TMEM181: variants seen among roughly 807,000 people sequenced by gnomAD.
TMEM181 encodes transmembrane protein 181, also known as G protein-coupled receptor 178.
TMEM181 carries 39 observed loss-of-function variants against 71.9 expected under a neutral mutation model. That is an observed-to-expected ratio of 0.54 (90% CI 0.42 to 0.71). The LOEUF (loss-of-function observed/expected upper bound fraction) is 0.71. TMEM181 is among the 30% of genes least tolerant of loss of function. The pLI, the probability that TMEM181 is intolerant of heterozygous loss-of-function variation, is 0.00. For synonymous variants in TMEM181, 245 were observed against 228.8 expected, an observed-to-expected ratio of 1.07 and a Z score of -0.64; for missense variants, 595 against 583.0, an observed-to-expected ratio of 1.02 and a Z score of -0.21.
upstream of TMEM181, among the ~76,000 whole-genome samples, chr6:158,556,157 A>T (rs1402110205): frequency 6.6e-6 from 1 of 152,208 alleles, no homozygotes; most frequent in Non-Finnish European, 1.5e-5. Context: ...GTAGGGATGT[A>T]AGGCAGCCTT....
chr6:158,568,421 G>T (rs1782634560), intron 1 of TMEM181, among the ~76,000 whole-genome samples: 1 of 151,988 alleles, frequency 6.6e-6, no homozygotes, highest in South Asian at 2.1e-4. Flanking sequence ...GGTGTTGGAG[G>T]ACTGGTGCGA....
At chr6:158,578,670 A>G (rs1443833529) in intron 2 of TMEM181, among the ~76,000 whole-genome samples, 2 of 152,238 alleles carry the variant, frequency 1.3e-5, no homozygotes, top group African/African-American at 4.8e-5. Flanking sequence ...AAAGAGGTAC[A>G]AAAAGGCTAT....
chr6:158,580,704 C>T (rs1347478450), intron 2 of TMEM181, among the ~76,000 whole-genome samples: 1 of 152,104 alleles, frequency 6.6e-6, no homozygotes, highest in Non-Finnish European at 1.5e-5. Context: ...GTGTTGTATG[C>T]CAGTCATGCT....
At chr6:158,540,882 CCA>C (rs1186584840) in intron 1 of TMEM181, among the ~76,000 whole-genome samples, 18 of 152,132 alleles carry the variant, frequency 1.2e-4, no homozygotes, top group Non-Finnish European at 2.9e-5. Flanking sequence ...CCGCAGCCTC[CCA>C]GGTAGCTGGT....
At chr6:158,585,623 T>C (rs1445128113) in intron 5 of TMEM181, among the ~76,000 whole-genome samples, 198 bp downstream of exon 5, 4 of 152,226 alleles carry the variant, frequency 2.6e-5, no homozygotes, top group South Asian at 2.1e-4. Flanking sequence ...AAAATTCTTA[T>C]AAACGTACAC....
chr6:158,612,290 C>T (rs1240694704), intron 10 of TMEM181, among the ~76,000 whole-genome samples: 1 of 152,206 alleles, frequency 6.6e-6, no homozygotes, highest in Non-Finnish European at 1.5e-5. Flanking sequence ...TGACGGTGCT[C>T]CTGCTCTGTC....
At chr6:158,541,140 G>T (rs1031345697) in intron 1 of TMEM181, among the ~76,000 whole-genome samples, 1 of 152,170 alleles carries the variant, frequency 6.6e-6, no homozygotes, top group Non-Finnish European at 1.5e-5. Flanking sequence ...AGCAGGCCGG[G>T]TGTGGTGGCT....
rs554599721 is a variant in TMEM181 at position 158,620,478 on chromosome 6, C to T, written c.897-3072C>T. On this transcript the variant is annotated intron_variant, in intron 10 of 16. Coordinates refer to ENST00000684151, the MANE Select transcript of TMEM181 (RefSeq NM_001376852.1). This position sits in a 1 kb window ranked among gnomAD's most constrained non-coding sequence, Gnocchi z 4.5. ...GGAATCACCAAAGGGCTTCCCGAAC[C>T]GGCATGCGTGAGGAAGAGAGAGGGA... is the stretch of plus-strand genomic sequence containing the variant. Among the ~76,000 whole-genome samples, 20 of 151,986 alleles carry T rather than the reference C, an allele frequency of 1.3e-4. No individual in the cohort carries two copies. Among genetic ancestry groups the T allele is most frequent in the Admixed American group, 5.2e-4 (8 of 15,278 alleles).
At chr6:158,550,909 AAAAAG>A (rs1271114222) in intron 1 of TMEM181, among the ~76,000 whole-genome samples, 18 of 151,022 alleles carry the variant, frequency 1.2e-4, no homozygotes, top group African/African-American at 4.1e-4. Context: ...AAAAAAAAAA[AAAAAG>A]AACCAATAAT....
At chr6:158,592,371 G>T (rs1036804996) in intron 6 of TMEM181, among the ~76,000 whole-genome samples, 29 of 152,186 alleles carry the variant, frequency 1.9e-4, no homozygotes, top group African/African-American at 7.0e-4. Flanking sequence ...TGGGCCGGGG[G>T]CAGTAGCTTA....
intron 10 of TMEM181, among the ~76,000 whole-genome samples, chr6:158,622,268 G>A (rs987921907): frequency 7.2e-5 from 11 of 152,206 alleles, no homozygotes; most frequent in African/African-American, 2.7e-4. Flanking sequence ...TGTGTGACGT[G>A]CTCTCTCTTT....
chr6:158,632,186 A>G lies in TMEM181; in HGVS notation c.*298A>G. On this transcript the variant is annotated 3_prime_UTR_variant, in exon 17 of 17. Coordinates refer to ENST00000684151, the MANE Select transcript of TMEM181 (RefSeq NM_001376852.1). ...GATGAGGAAATTTCACGTTTTTAGT[A>G]CAGTGAATTATGTACTTTTTTTTCC... 1 of 388,070 alleles carries G rather than the reference A, an allele frequency of 2.6e-6. No homozygotes were observed. Among genetic ancestry groups the G allele is most frequent in the South Asian group, 3.2e-5 (1 of 31,610 alleles). 24.0% of individuals were successfully genotyped at this position (388,070 alleles called of 1,614,324 possible).
chr6:158,584,025 T>G lies in TMEM181; in HGVS notation c.240T>G (p.Val80=). 1 of 1,611,892 alleles carries G rather than the reference T, an allele frequency of 6.2e-7. No homozygotes were observed. Among genetic ancestry groups the G allele is most frequent in the Non-Finnish European group, 8.5e-7 (1 of 1,178,800 alleles). Residue 80 remains valine (V), a synonymous_variant, in exon 4 of 17, where the codon GTT becomes GTG. Coordinates refer to ENST00000684151, the MANE Select transcript of TMEM181 (RefSeq NM_001376852.1). The part of the protein sequence containing the change: ...YNQQLWLTCV[V]ELDQSKETSI... ...AGCAACTATGGCTGACATGTGTTGT[T>G]GAGTTGGATCAATCAAAAGGTATGG...
chr6:158,628,941 ATC>A (rs780028175), intron 14 of TMEM181, among the ~76,000 whole-genome samples: 1 of 152,292 alleles, frequency 6.6e-6, no homozygotes, highest in Admixed American at 6.5e-5. Flanking sequence ...CCCCCGGGAT[ATC>A]TCTCTCATCA....
chr6:158,626,908 A>C (rs1786319939), intron 13 of TMEM181, among the ~76,000 whole-genome samples: 2 of 118,158 alleles, frequency 1.7e-5, no homozygotes, highest in South Asian at 2.8e-4. Flanking sequence ...TCACTCACAC[A>C]CCCTCACCCT....
At chr6:158,584,075 T>G in intron 4 of TMEM181, 31 bp downstream of exon 4, 1 of 1,554,116 alleles carries the variant, frequency 6.4e-7, no homozygotes. Context: ...GAATGATTTT[T>G]CATTATACGA....
intron 1 of TMEM181, among the ~76,000 whole-genome samples, chr6:158,544,914 G>A (rs4709207): frequency 0.28 from 42,713 of 152,188 alleles, 6,844 homozygotes; most frequent in East Asian, 0.56. Flanking sequence ...AATGTCTTCT[G>A]AACAAGCAAT....
intron 1 of TMEM181, among the ~76,000 whole-genome samples, chr6:158,545,591 A>G (rs1247679004): frequency 6.6e-6 from 1 of 151,310 alleles, no homozygotes; most frequent in African/African-American, 2.4e-5. Context: ...CTTCTGGGGC[A>G]TGAAGGAACC....
At chr6:158,555,598 T>A (rs538660104), upstream of TMEM181, among the ~76,000 whole-genome samples, 2 of 152,338 alleles carry the variant, frequency 1.3e-5, no homozygotes, top group Non-Finnish European at 2.9e-5. Flanking sequence ...CAGATAATGA[T>A]CATTTGAGTT....
Sources: allele counts gnomAD v4.1 joint callset (sites outside exome capture counted in the v4.1 genomes callset), GRCh38; gene constraint gnomAD v4.1.1; non-coding constraint Gnocchi (gnomAD v3.1); transcripts MANE v1.5; gene names NCBI Gene and HGNC (gene_info 2026-07-23, HGNC 2026-07-21).